SSX7: variants seen among roughly 807,000 people sequenced by gnomAD.
SSX7 encodes protein SSX7.
SSX7 carries 15 observed loss-of-function variants against 14.7 expected under a neutral mutation model. The ratio of observed to expected loss-of-function variants is 1.02; its 90% CI spans 0.68 to 1.58. The LOEUF is 1.58. Among genes scored for constraint, SSX7 ranks in the 40% most tolerant of loss-of-function variants. The pLI is 0.00. For missense variants in SSX7, 178 were observed against 146.8 expected, an observed-to-expected ratio of 1.21 and a Z score of -1.10; for synonymous variants, 46 against 50.6, an observed-to-expected ratio of 0.91 and a Z score of 0.38.
Position 52,644,585 on chromosome X carries a change from T to C in SSX7, c.*90A>G. 8.6e-7 allele frequency: 1 copy of C among 1,167,057 alleles called. No individual in the cohort carries two copies. The highest frequency in any genetic ancestry group is 1.2e-6 in the Non-Finnish European group (1 of 867,812). On this transcript the variant is annotated 3_prime_UTR_variant, in exon 8 of 8. Coordinates refer to ENST00000298181, the MANE Select transcript of SSX7 (RefSeq NM_173358.2). ...TTGCTTTCACTTGCTATGCACCTGA[T>C]GACGAGGGGTCCGCAGCCATGCCCA...
chrX:52,652,813 A>G, intron 3 of SSX7, 57 bp downstream of exon 3: 1 of 1,040,701 alleles, frequency 9.6e-7, no homozygotes, highest in Non-Finnish European at 1.3e-6. Flanking sequence ...TAGCCAAAGC[A>G]GGAATAGGGA....
intron 2 of SSX7, 56 bp from the exon 3 acceptor site, chrX:52,653,040 T>C: frequency 8.4e-7 from 1 of 1,186,321 alleles, no homozygotes; most frequent in Non-Finnish European, 1.1e-6. Context: ...ATGTCTGCCA[T>C]TCAGCTGGAG....
chrX:52,648,492 A>T, intron 5 of SSX7, 96 bp from the exon 6 acceptor site: 1 of 1,123,213 alleles, frequency 8.9e-7, no homozygotes, highest in East Asian at 3.1e-5. Context: ...ACCTTAATCA[A>T]TGTTCTCAAC....
Position 52,644,616 on chromosome X carries a change from G to A in SSX7, c.*59C>T, listed in dbSNP as rs1257243177. Reference sequence around the variant, plus strand: ...GGGGTCCGCAGCCATGCCCATGTTCGTGAAAGGTCACCACGTTCTGCTTCT... The same window carrying A: ...GGGGTCCGCAGCCATGCCCATGTTCATGAAAGGTCACCACGTTCTGCTTCT... On this transcript the variant is annotated 3_prime_UTR_variant, in exon 8 of 8. Coordinates refer to ENST00000298181, the MANE Select transcript of SSX7 (RefSeq NM_173358.2). The A allele has an allele frequency of 2.5e-5, 30 of 1,193,254 alleles. No homozygotes were observed. The highest frequency in any genetic ancestry group is 3.0e-5 in the East Asian group (1 of 33,734).
At chrX:52,653,102 G>A (rs1324388237) in intron 2 of SSX7, 118 bp from the exon 3 acceptor site, 41 of 1,166,181 alleles carry the variant, frequency 3.5e-5, no homozygotes, top group Non-Finnish European at 4.2e-5. Context: ...ATGGCTAACC[G>A]ACAACATGAG....
At chrX:52,653,300 A>T (rs1925500855) in intron 2 of SSX7, 104 bp downstream of exon 2, 1 of 1,205,553 alleles carries the variant, frequency 8.3e-7, no homozygotes. Flanking sequence ...CTCCCCCAAG[A>T]CCCTGGTCCT....
At chrX:52,653,101 C>A in intron 2 of SSX7, 117 bp from the exon 3 acceptor site, 1 of 1,169,058 alleles carries the variant, frequency 8.6e-7, no homozygotes, top group South Asian at 1.9e-5. Context: ...CATGGCTAAC[C>A]GACAACATGA....
chrX:52,647,427 A>G (rs1925286007), intron 6 of SSX7, among the ~76,000 whole-genome samples: 1 of 112,532 alleles, frequency 8.9e-6, no homozygotes, highest in Admixed American at 9.4e-5. Context: ...AATTGACTCG[A>G]ACTTTGAAAG....
rs192648036 is a variant in SSX7, at chrX:52,653,268, G to C, written c.69+136C>G. 17 of 1,201,968 alleles carry C rather than the reference G, an allele frequency of 1.4e-5. No homozygotes were observed. The Admixed American group carries it at 3.8e-4, about 27-fold the overall frequency. On this transcript the variant is annotated intron_variant, in intron 2 of 7. Coordinates refer to ENST00000298181, the MANE Select transcript of SSX7 (RefSeq NM_173358.2). ...GCTAGTTGATGACAGAGCGAGGATG[G>C]GAGGCTCTCAAGGATCCAGATCTCC... is the stretch of plus-strand genomic sequence containing the variant.
At chrX:52,651,455 A>C (rs1925423922) in intron 4 of SSX7, among the ~76,000 whole-genome samples, 1 of 112,092 alleles carries the variant, frequency 8.9e-6, no homozygotes, top group Non-Finnish European at 1.9e-5. Flanking sequence ...GAAGAACAAC[A>C]TGTCATCTAA....
At position 52,654,364 on chromosome X, in the gene SSX7, G is replaced by GT. The variant is rs1352091546; in HGVS notation, c.-21+397dup. On this transcript the variant is annotated intron_variant, in intron 1 of 7. Transcript: ENST00000298181. ...ATCCCAGGAGGAAAGATTTGAGTGA[G>GT]TTTTTTTTTTTTTTTTTTTTTGAGT... Among the ~76,000 whole-genome samples the GT allele has an allele frequency of 5.6e-3, 341 of 60,898 alleles. 21 individuals are homozygous for GT. The highest frequency in any genetic ancestry group is 0.017 in the African/African-American group (258 of 15,076). 52.9% of individuals were successfully genotyped at this position (60,898 alleles called of 115,157 possible). A position where few individuals can be genotyped will look rare whatever the true frequency, so the allele number is the denominator to read the frequency against.
At chrX:52,648,075 G>A (rs1408071077) in intron 6 of SSX7, among the ~76,000 whole-genome samples, 186 bp downstream of exon 6, 1 of 111,836 alleles carries the variant, frequency 8.9e-6, no homozygotes, top group South Asian at 3.8e-4. Flanking sequence ...CACGTGGTTT[G>A]TATATGGGTG....
intron 6 of SSX7, among the ~76,000 whole-genome samples, chrX:52,647,678 T>A (rs1925292644): frequency 8.9e-6 from 1 of 112,228 alleles, no homozygotes; most frequent in African/African-American, 3.2e-5. Flanking sequence ...ATTAGCATTT[T>A]TGACAATGAA....
At chrX:52,650,775 T>C (rs1236048037) in intron 4 of SSX7, among the ~76,000 whole-genome samples, 2 of 112,429 alleles carry the variant, frequency 1.8e-5, no homozygotes, top group African/African-American at 6.5e-5. Context: ...TCTTATGGTA[T>C]GTGAATTAAG....
intron 4 of SSX7, among the ~76,000 whole-genome samples, chrX:52,650,920 G>C (rs781808412): frequency 3.0e-4 from 34 of 112,217 alleles, no homozygotes; most frequent in Non-Finnish European, 5.6e-4. Context: ...TACAGTGATC[G>C]TGGGAGATTT....
intron 5 of SSX7, among the ~76,000 whole-genome samples, chrX:52,649,471 C>T (rs1925360190): frequency 8.9e-6 from 1 of 112,189 alleles, no homozygotes; most frequent in Non-Finnish European, 1.9e-5. Flanking sequence ...CATGATCCTT[C>T]CTTCAATTCG....
At chrX:52,647,802 T>C (rs782749569) in intron 6 of SSX7, among the ~76,000 whole-genome samples, 1 of 112,268 alleles carries the variant, frequency 8.9e-6, no homozygotes, top group East Asian at 2.8e-4. Flanking sequence ...AAAAAAACAA[T>C]GTGTGTGACT....
rs1435435053 is a variant in SSX7, at chrX:52,648,275, A to G, written c.452T>C (p.Ile151Thr). The change falls in exon 6 of 8, where the codon ATT becomes ACT. Residue 151 changes from isoleucine (I) to threonine (T), a missense_variant. Ile to Thr is a moderately conservative substitution (Grantham distance 89, BLOSUM62 -1). Coordinates refer to ENST00000298181, the MANE Select transcript of SSX7 (RefSeq NM_173358.2). ...PPGKPSTSEK[I>T]NKTSGPKRGK... ...TTTCCTCTTACCGGATGTCTTGTTA[A>G]TCTTCTCAGAGGTACTTGGTTTTCC... is the stretch of plus-strand genomic sequence containing the variant. 3.3e-6 allele frequency: 4 copies of G among 1,206,461 alleles called. No individual in the cohort carries two copies. In the African/African-American group the frequency reaches 5.3e-5, roughly 16 times the overall value.
At position 52,650,369 on chromosome X, in the gene SSX7, T is replaced by C; in HGVS notation, c.314A>G (p.Gln105Arg). The change falls in exon 5 of 8, where the codon CAG (glutamine) becomes CGG (arginine). Residue 105 changes from glutamine to arginine, a missense_variant. Coordinates refer to ENST00000298181, the MANE Select transcript of SSX7 (RefSeq NM_173358.2). ...GACACTCACCTTCGGGAAGATTCTC[T>C]GGAGCCTGCAAAAAGTCATCTGAGG... ...ERPQMTFCRL[Q>R]RIFPKIMPKK... 1 of 1,210,474 alleles carries C rather than the reference T, an allele frequency of 8.3e-7. No individual in the cohort carries two copies. The highest frequency in any genetic ancestry group is 1.1e-6 in the Non-Finnish European group (1 of 894,398).
Sources: allele counts gnomAD v4.1 joint callset (sites outside exome capture counted in the v4.1 genomes callset), GRCh38; gene constraint gnomAD v4.1.1; transcripts MANE v1.5; gene names NCBI Gene and HGNC (gene_info 2026-07-23, HGNC 2026-07-21).